The following CFAP74 variants were observed in gnomAD, a reference collection of about 807,000 sequenced individuals.
The protein encoded by CFAP74 is cilia and flagella associated protein 74, also known as cilia- and flagella-associated protein 74.
A neutral mutation model predicts 188.9 loss-of-function variants in CFAP74; 124 were observed. The ratio of observed to expected loss-of-function variants is 0.66; its 90% CI spans 0.57 to 0.76. The LOEUF is 0.76. Among genes scored for constraint, CFAP74 ranks in the 30% least tolerant of loss-of-function variants. The pLI, the probability that CFAP74 is intolerant of heterozygous loss-of-function variation, is 0.00. For synonymous variants in CFAP74, 956 were observed against 916.7 expected (o/e 1.04, Z -0.77); for missense variants, 2,198 against 2,165.2 (o/e 1.02, Z -0.30).
At position 1,968,868 on chromosome 1, in the gene CFAP74, G is replaced by A. The variant is rs764778593; in HGVS notation, c.1047-35C>T. 6.4e-5 allele frequency: 102 copies of A among 1,601,928 alleles called. No homozygotes were observed. The highest frequency in any genetic ancestry group is 1.8e-4 in the East Asian group (8 of 44,772). On this transcript the variant is annotated intron_variant, in intron 10 of 38. Coordinates refer to ENST00000682832, the MANE Select transcript of CFAP74 (RefSeq NM_001304360.2). This position sits in a 1 kb window ranked among gnomAD's most constrained non-coding sequence, Gnocchi z 4.3. ...GTCGCTTCTCAGATGAGTGCAAGAG[G>A]TCCCCTGCCTCCACCTTGCCCCAGA...
intron 6 of CFAP74, among the ~76,000 whole-genome samples, chr1:1,980,058 ACC>A (rs1656732907): frequency 6.7e-6 from 1 of 148,696 alleles, no homozygotes; most frequent in Non-Finnish European, 1.5e-5. Context: ...CGCAGTGGGC[ACC>A]CTCTTACCGC....
chr1:1,973,649 G>T lies in CFAP74; in HGVS notation c.674+376C>A, dbSNP rs1356050271. ...GCCACGCAGGTGGGGGCCGTGGGAG[G>T]GGTGCAAAGGAGCAGCCAGAGGTGG... On this transcript the variant is annotated intron_variant, in intron 7 of 38. Coordinates refer to ENST00000682832, the MANE Select transcript of CFAP74 (RefSeq NM_001304360.2). The surrounding 1 kb of genome is among the most constrained non-coding windows in gnomAD (Gnocchi z 6.2). Among the ~76,000 whole-genome samples, 1 of 152,080 alleles carries T rather than the reference G, an allele frequency of 6.6e-6. No homozygotes were observed. The highest frequency in any genetic ancestry group is 1.9e-4 in the East Asian group (1 of 5,182).
rs142362074 is a variant in CFAP74, at chr1:1,997,161, G to A, written c.-19-6186C>T. ...AAGGCGGCCGGGCGCGGTGGCGCAC[G>A]CCTGTAATCCCAGCACTTTGGGAGG... On this transcript the variant is annotated intron_variant, in intron 1 of 38. Coordinates refer to ENST00000682832, the MANE Select transcript of CFAP74 (RefSeq NM_001304360.2). 4.6e-3 allele frequency among the ~76,000 whole-genome samples: 693 copies of A among 152,276 alleles called. 4 individuals carry two copies. The highest frequency in any genetic ancestry group is 0.016 in the African/African-American group (661 of 41,560).
chr1:1,963,863 A>G lies in CFAP74; in HGVS notation c.1580T>C (p.Phe527Ser), dbSNP rs757220808. Residue 527 changes from phenylalanine (F) to serine (S), a missense_variant, in exon 14 of 39, where the codon TTT becomes TCT. By Grantham distance (155) the Phe-to-Ser change is radical (BLOSUM62 -2). Transcript: ENST00000682832. ...TTTCTTGTACACTTTGCCAATATCA[A>G]AGTCCTGGGAAAGGCCGAGGTAGCA... ...SKPELLHFQDFDIGKVYKKKI... is the reference protein window; with the variant it reads ...SKPELLHFQDSDIGKVYKKKI... 1 of 1,608,204 alleles carries G rather than the reference A, an allele frequency of 6.2e-7. No homozygotes were observed. Among genetic ancestry groups the G allele is most frequent in the Non-Finnish European group, 8.5e-7 (1 of 1,174,770 alleles).
chr1:1,926,511 C>T lies in CFAP74; in HGVS notation c.3774G>A (p.Gly1258=). ...TGGAGATCTTCTTGATACTGCGGTG[C>T]CCTGAAATGGGGCAGGGAGCGTCAG... is the stretch of plus-strand genomic sequence containing the variant. ...TIFNFGDVAV[G]HRSIKKISIQ... Residue 1258 remains glycine, a splice_region_variant and synonymous_variant, in exon 31 of 39, where the codon GGG becomes GGA. Transcript: ENST00000682832. 6.5e-7 allele frequency: 1 copy of T among 1,550,146 alleles called. No individual in the cohort carries two copies. The highest frequency in any genetic ancestry group is 2.0e-5 in the Admixed American group (1 of 51,000).
At position 1,956,676 on chromosome 1, in the gene CFAP74, A is replaced by G. The variant is rs201575681; in HGVS notation, c.1960T>C (p.Phe654Leu). The G allele has an allele frequency of 4.2e-5, 68 of 1,614,012 alleles. No individual in the cohort carries two copies. Among genetic ancestry groups the G allele is most frequent in the Non-Finnish European group, 5.4e-5 (64 of 1,180,032 alleles). The stretch of plus-strand genomic sequence containing the variant: ...TCACAGGGCTCTGAAGCTGGCAGGA[A>G]CTTGAAAGTCGTGCCCAAGCCCCCA... Reference protein sequence around the residue: ...NVGGLGTTFKFLPASEPCEMD... With the variant: ...NVGGLGTTFKLLPASEPCEMD... The change falls in exon 17 of 39, where the codon TTC becomes CTC. Residue 654 changes from phenylalanine to leucine, a missense_variant. By Grantham distance (22) the Phe-to-Leu change is conservative. Transcript: ENST00000682832.
intron 26 of CFAP74, 123 bp downstream of exon 26, chr1:1,929,937 C>T (rs58976884): frequency 0.082 from 95,322 of 1,163,598 alleles, 9,736 homozygotes; most frequent in African/African-American, 0.41. Context: ...CAGGTTCACT[C>T]CCGCCCCTGT....
chr1:1,980,529 T>A (rs4648741), intron 6 of CFAP74, among the ~76,000 whole-genome samples: 3,906 of 81,532 alleles, frequency 0.048, 185 homozygotes, highest in South Asian at 0.063. Flanking sequence ...GGATGGGACC[T>A]GCGCAGGCGC....
chr1:1,941,005 C>T (rs970004396), intron 22 of CFAP74, among the ~76,000 whole-genome samples: 3 of 151,774 alleles, frequency 2.0e-5, no homozygotes, highest in African/African-American at 4.8e-5. Flanking sequence ...CCCAGCTACT[C>T]GGGAGGCTGA....
rs779075536 is a variant in CFAP74, at chr1:1,946,313, T to A, written c.2364+4A>T. On this transcript the variant is annotated splice_donor_region_variant and intron_variant, in intron 20 of 38. Coordinates refer to ENST00000682832, the MANE Select transcript of CFAP74 (RefSeq NM_001304360.2). ...GTGCGTGGCGTGGCAGCAGGAATACTCACCGTGGGGCACTGGGGGTTCTTA... is the reference window on the plus strand; with the variant it reads ...GTGCGTGGCGTGGCAGCAGGAATACACACCGTGGGGCACTGGGGGTTCTTA... 11 of 1,533,774 alleles carry A rather than the reference T, an allele frequency of 7.2e-6. No individual in the cohort carries two copies. In the East Asian group the frequency reaches 2.4e-4, roughly 34 times the overall value.
intron 25 of CFAP74, among the ~76,000 whole-genome samples, chr1:1,937,133 C>A (rs537622281): frequency 2.1e-4 from 32 of 152,200 alleles, no homozygotes; most frequent in Non-Finnish European, 4.1e-4. Flanking sequence ...GAAAGTGATA[C>A]AGGGTTGGAA....
intron 27 of CFAP74, among the ~76,000 whole-genome samples, chr1:1,928,093 G>A (rs1337586888): frequency 6.6e-6 from 1 of 152,270 alleles, no homozygotes; most frequent in Non-Finnish European, 1.5e-5. Context: ...CGCCCAGGAG[G>A]AACCCAGGCC....
intron 18 of CFAP74, among the ~76,000 whole-genome samples, chr1:1,947,965 C>T (rs1653885540): frequency 1.3e-5 from 2 of 152,096 alleles, no homozygotes; most frequent in South Asian, 4.1e-4. Context: ...TTCTGCCTCC[C>T]GGGTTCAAGT....
At chr1:1,966,639 C>G in intron 11 of CFAP74, 113 bp from the exon 12 acceptor site, 3 of 954,036 alleles carry the variant, frequency 3.1e-6, no homozygotes, top group South Asian at 2.9e-5. Context: ...GTTCTTCTGC[C>G]TCACGTACTC....
At chr1:1,928,384 G>T (rs1652087131) in intron 27 of CFAP74, among the ~76,000 whole-genome samples, 2 of 152,258 alleles carry the variant, frequency 1.3e-5, no homozygotes, top group Non-Finnish European at 2.9e-5. Flanking sequence ...GGTGCATCTG[G>T]AGTGTGGCAG....
At chr1:1,962,009 G>A (rs749841175) in intron 14 of CFAP74, among the ~76,000 whole-genome samples, 1 of 152,092 alleles carries the variant, frequency 6.6e-6, no homozygotes, top group Non-Finnish European at 1.5e-5. Flanking sequence ...AGGGGGGAAT[G>A]AGGATCCTGC....
At chr1:1,990,830 G>A in intron 2 of CFAP74, 60 bp downstream of exon 2, 4 of 1,322,408 alleles carry the variant, frequency 3.0e-6, no homozygotes, top group Non-Finnish European at 4.3e-6. Context: ...CTACTATGAA[G>A]CATGTCATTT....
chr1:1,995,501 A>G (rs201214378), intron 1 of CFAP74, among the ~76,000 whole-genome samples: 4 of 34,924 alleles, frequency 1.1e-4, no homozygotes, highest in East Asian at 1.5e-3. Flanking sequence ...CAAAAAAAAG[A>G]AAAAAAAAAA....
rs766017465 is a variant in CFAP74 at position 1,971,318 on chromosome 1, G to C, written c.889-502C>G. On this transcript the variant is annotated intron_variant, in intron 9 of 38. Transcript: ENST00000682832. ...ACACGCTCACACATGCACACCTGCA[G>C]ACACTTGCACACCTGCACACACGTG... 1.9e-3 allele frequency among the ~76,000 whole-genome samples: 189 copies of C among 99,346 alleles called. 1 individual carries two copies. Among genetic ancestry groups the C allele is most frequent in the Non-Finnish European group, 3.2e-3 (152 of 48,184 alleles). 65.2% of individuals were successfully genotyped at this position (99,346 alleles called of 152,430 possible).
Sources: allele counts gnomAD v4.1 joint callset (sites outside exome capture counted in the v4.1 genomes callset), GRCh38; gene constraint gnomAD v4.1.1; non-coding constraint Gnocchi (gnomAD v3.1); transcripts MANE v1.5; gene names NCBI Gene and HGNC (gene_info 2026-07-23, HGNC 2026-07-21).